ITIH6: variants seen among roughly 807,000 people sequenced by gnomAD.
The protein encoded by ITIH6 is inter-alpha-trypsin inhibitor heavy chain H6.
A neutral mutation model predicts 58.2 loss-of-function variants in ITIH6; 60 were observed. That is an observed-to-expected ratio of 1.03 (90% CI 0.84 to 1.28). The LOEUF (loss-of-function observed/expected upper bound fraction) is 1.28. Ranked by LOEUF, ITIH6 falls within the 50% of genes most tolerant of loss-of-function variation. The pLI, the probability that ITIH6 is intolerant of heterozygous loss-of-function variation, is 0.00. For missense variants in ITIH6, 1,290 were observed against 1,021.1 expected (o/e 1.26, Z -3.59); for synonymous variants, 493 against 417.4 (o/e 1.18, Z -2.21).
In ITIH6 at chrX:54,787,605, G is replaced by A. The variant is rs1929265490; in HGVS notation, c.786+875C>T. The stretch of plus-strand genomic sequence containing the variant: ...TCATTCAACATATGAATGAATGAAT[G>A]TTGCATGAGAAAACGTTCAACCATA... On this transcript the variant is annotated intron_variant, in intron 5 of 12. Coordinates refer to ENST00000218436, the MANE Select transcript of ITIH6 (RefSeq NM_198510.3). 3 of 111,740 alleles carry A rather than the reference G, an allele frequency of 2.7e-5. No homozygotes were observed. The South Asian group carries it at 1.1e-3, about 42-fold the overall frequency. 9.2% of individuals were successfully genotyped at this position (111,740 alleles called of 1,213,427 possible).
chrX:54,750,045 C>T lies in ITIH6; in HGVS notation c.3792G>A (p.Arg1264=), dbSNP rs769174424. 5.8e-6 allele frequency: 7 copies of T among 1,209,306 alleles called. No homozygotes were observed. Among genetic ancestry groups the T allele is most frequent in the Non-Finnish European group, 7.8e-6 (7 of 894,751 alleles). The change falls in exon 13 of 13, where the codon AGG becomes AGA. Residue 1264 remains arginine, a synonymous_variant. Transcript: ENST00000218436. ...TCACAGGCACATCTGGGCCATGGTG[C>T]CTTCGTAAGCATGGCCCCATAGGTC... The part of the protein sequence containing the change: ...VTGPMGPCLR[R]HHGPDVPVIL...
At position 54,753,698 on chromosome X, in the gene ITIH6, T is replaced by C. The variant is rs765559049; in HGVS notation, c.3305A>G (p.Asn1102Ser). ...HSEEKICFTL[N>S]GHPGDLLQLI... Reference sequence around the variant, plus strand: ...CTGCAGCAAGTCCCCAGGGTGCCCATTCAGTGTGAAGCAGATCTTCTCTTC... The same window carrying C: ...CTGCAGCAAGTCCCCAGGGTGCCCACTCAGTGTGAAGCAGATCTTCTCTTC... Residue 1102 changes from asparagine (N) to serine (S), a missense_variant, in exon 11 of 13, where the codon AAT becomes AGT. Asn to Ser is a conservative substitution (Grantham distance 46, BLOSUM62 1). Transcript: ENST00000218436. 47 of 1,209,584 alleles carry C rather than the reference T, an allele frequency of 3.9e-5. No homozygotes were observed. Among genetic ancestry groups the C allele is most frequent in the Middle Eastern group, 2.3e-4 (1 of 4,306 alleles).
rs369118444 is a variant in ITIH6 at position 54,797,668 on chromosome X, G to C, written c.102+441C>G. ...AGCATGGTAAGTATCTGGCATCCAT[G>C]ATGAGGGCACACAGCAAGTACAATA... On this transcript the variant is annotated intron_variant, in intron 1 of 12. Transcript: ENST00000218436. Among the ~76,000 whole-genome samples, 4 of 111,597 alleles carry C rather than the reference G, an allele frequency of 3.6e-5. No individual in the cohort carries two copies. In the East Asian group the frequency reaches 8.5e-4, roughly 24 times the overall value.
In ITIH6 at chrX:54,798,166, G is replaced by T; in HGVS notation, c.45C>A (p.Thr15=). ...RYLICVSFLL[T]ILLELTYQGP... is the part of the protein sequence containing the mutation. ...CCTGGTATGTCAGTTCAAGAAGAAT[G>T]GTCAGCAAAAAGCTGACACAGATGA... Residue 15 remains threonine, a synonymous_variant, in exon 1 of 13, where the codon ACC becomes ACA. Coordinates refer to ENST00000218436, the MANE Select transcript of ITIH6 (RefSeq NM_198510.3). The T allele has an allele frequency of 8.4e-7, 1 of 1,189,049 alleles. No homozygotes were observed.
intron 5 of ITIH6, among the ~76,000 whole-genome samples, chrX:54,777,811 C>G (rs1038675585): frequency 1.8e-5 from 2 of 112,409 alleles, no homozygotes; most frequent in East Asian, 5.6e-4. Flanking sequence ...ATTTGAATAT[C>G]TGGAAAGTCT....
Position 54,749,699 on chromosome X carries a change from C to G in ITIH6, c.*196G>C. On this transcript the variant is annotated 3_prime_UTR_variant, in exon 13 of 13. Transcript: ENST00000218436. ...GGAGATGTGAAGGACCATGAAGATG[C>G]AGGAGTCCCTGACTCTATGTCTCTG... 2.6e-6 allele frequency: 1 copy of G among 385,105 alleles called. No homozygotes were observed. The allele number at this position is 385,105 out of a possible 1,213,427, so 31.7% of individuals were successfully genotyped here.
At chrX:54,764,529 G>A (rs185614157) in intron 6 of ITIH6, among the ~76,000 whole-genome samples, 2,070 of 106,221 alleles carry the variant, frequency 0.019, 55 homozygotes, top group African/African-American at 0.068. Flanking sequence ...TTGTTCTTGC[G>A]ATAGTTTACT....
Position 54,770,564 on chromosome X carries a change from A to T in ITIH6, c.903+3517T>A, listed in dbSNP as rs530369042. ...GAGTTTGCAGTATACATTTACAACC[A>T]ATCCAAATCCACTTTCAAATAACAC... On this transcript the variant is annotated intron_variant, in intron 6 of 12. Transcript: ENST00000218436. Among the ~76,000 whole-genome samples, 5 of 112,500 alleles carry T rather than the reference A, an allele frequency of 4.4e-5. No individual in the cohort carries two copies. The East Asian group carries it at 1.1e-3, about 25-fold the overall frequency.
At chrX:54,764,701 A>G (rs1928730724) in intron 6 of ITIH6, among the ~76,000 whole-genome samples, 1 of 93,604 alleles carries the variant, frequency 1.1e-5, no homozygotes, top group East Asian at 3.5e-4. Flanking sequence ...GCTATTGTGA[A>G]TAATGCCACA....
intron 6 of ITIH6, among the ~76,000 whole-genome samples, chrX:54,761,037 AG>A (rs1450027229): frequency 8.9e-6 from 1 of 111,924 alleles, no homozygotes; most frequent in African/African-American, 3.2e-5. Context: ...TGGTTGAACT[AG>A]TTTCTAGTCC....
At chrX:54,782,457 G>A (rs961891467) in intron 5 of ITIH6, among the ~76,000 whole-genome samples, 3 of 110,955 alleles carry the variant, frequency 2.7e-5, no homozygotes, top group African/African-American at 9.8e-5. Context: ...TAACTAATGG[G>A]TACTAGGCTT....
At chrX:54,768,262 T>C (rs1187360876) in intron 6 of ITIH6, among the ~76,000 whole-genome samples, 2 of 58,396 alleles carry the variant, frequency 3.4e-5, no homozygotes, top group Non-Finnish European at 6.0e-5. Flanking sequence ...TCCTCCATCC[T>C]TTTATTTTGA....
At chrX:54,784,870 T>A (rs1929214780) in intron 5 of ITIH6, among the ~76,000 whole-genome samples, 1 of 111,847 alleles carries the variant, frequency 8.9e-6, no homozygotes, top group African/African-American at 3.3e-5. Flanking sequence ...AGAAAATCAG[T>A]GTATCCAAGA....
At chrX:54,794,986 A>G (rs955464346) in intron 2 of ITIH6, among the ~76,000 whole-genome samples, 4 of 111,356 alleles carry the variant, frequency 3.6e-5, no homozygotes, top group African/African-American at 1.3e-4. Flanking sequence ...CACCATCTAT[A>G]TTTACTTACT....
At position 54,758,039 on chromosome X, in the gene ITIH6, T is replaced by C. The variant is rs746112703; in HGVS notation, c.2035A>G (p.Lys679Glu). Residue 679 changes from lysine to glutamate, a missense_variant, in exon 8 of 13, where the codon AAG becomes GAG. Physicochemically the swap from Lys to Glu is moderately conservative, Grantham distance 56. Coordinates refer to ENST00000218436, the MANE Select transcript of ITIH6 (RefSeq NM_198510.3). Reference protein sequence around the residue: ...YLSSTTTASTKKMLSSKELEP... With the variant: ...YLSSTTTASTEKMLSSKELEP... Reference sequence around the variant, plus strand: ...AGCTCTTTGGAACTTAGCATCTTCTTGGTAGAGGCAGTAGTAGTTGAGGAT... The same window carrying C: ...AGCTCTTTGGAACTTAGCATCTTCTCGGTAGAGGCAGTAGTAGTTGAGGAT... The C allele has an allele frequency of 2.5e-6, 3 of 1,209,506 alleles. No homozygotes were observed. Among genetic ancestry groups the C allele is most frequent in the East Asian group, 5.9e-5 (2 of 33,768 alleles).
chrX:54,756,311 T>A (rs772485212), intron 8 of ITIH6, among the ~76,000 whole-genome samples: 3 of 111,419 alleles, frequency 2.7e-5, no homozygotes, highest in Admixed American at 9.5e-5. Flanking sequence ...TTGTATGAGT[T>A]CAACTCTCTG....
At chrX:54,779,369 A>T (rs1929108949) in intron 5 of ITIH6, among the ~76,000 whole-genome samples, 1 of 112,305 alleles carries the variant, frequency 8.9e-6, no homozygotes, top group Admixed American at 9.5e-5. Flanking sequence ...AATAGAAACA[A>T]CAAAGAAATA....
At chrX:54,784,726 C>A (rs942682436) in intron 5 of ITIH6, among the ~76,000 whole-genome samples, 1 of 111,388 alleles carries the variant, frequency 9.0e-6, no homozygotes, top group Admixed American at 9.5e-5. Context: ...AAAAGGGACC[C>A]CCATACACAG....
intron 5 of ITIH6, among the ~76,000 whole-genome samples, chrX:54,780,265 A>G (rs886827285): frequency 2.7e-5 from 3 of 112,203 alleles, no homozygotes; most frequent in African/African-American, 9.7e-5. Context: ...CAGACGATAT[A>G]TCAGGTCACA....
Sources: allele counts gnomAD v4.1 joint callset (sites outside exome capture counted in the v4.1 genomes callset), GRCh38; gene constraint gnomAD v4.1.1; transcripts MANE v1.5; gene names NCBI Gene and HGNC (gene_info 2026-07-23, HGNC 2026-07-21).